SMIM8: variants seen among roughly 807,000 people sequenced by gnomAD.
The protein encoded by SMIM8 is UPF0708 protein C6orf162.
SMIM8 carries 8 observed loss-of-function variants against 8.1 expected under a neutral mutation model. That is an observed-to-expected ratio of 0.99 (90% CI 0.58 to 1.78). The LOEUF (loss-of-function observed/expected upper bound fraction) is 1.78, where lower values mean the gene tolerates loss of function less well. Ranked by LOEUF, SMIM8 falls within the 40% of genes most tolerant of loss-of-function variation. The pLI is 0.00. For synonymous variants in SMIM8, 45 were observed against 39.7 expected (o/e 1.13, Z -0.50); for missense variants, 126 against 119.8 (o/e 1.05, Z -0.24).
At chr6:87,323,712 G>T (rs1487291593) in intron 1 of SMIM8, among the ~76,000 whole-genome samples, 3 of 152,040 alleles carry the variant, frequency 2.0e-5, no homozygotes, top group Middle Eastern at 3.2e-3. Context: ...CTTTGCTATT[G>T]TGAATAATGC....
At chr6:87,325,823 A>G (rs1582086053) in intron 1 of SMIM8, among the ~76,000 whole-genome samples, 1 of 152,310 alleles carries the variant, frequency 6.6e-6, no homozygotes, top group Middle Eastern at 3.4e-3. Context: ...ATTGATTGGA[A>G]TAGTTTCAGA....
intron 1 of SMIM8, among the ~76,000 whole-genome samples, chr6:87,323,381 G>A (rs1039114418): frequency 6.6e-6 from 1 of 151,830 alleles, no homozygotes; most frequent in African/African-American, 2.4e-5. Context: ...CCACCAACTG[G>A]ACATCTAACA....
intron 1 of SMIM8, among the ~76,000 whole-genome samples, chr6:87,328,831 G>A (rs1418387467): frequency 1.6e-4 from 24 of 152,340 alleles, no homozygotes; most frequent in African/African-American, 5.8e-4. Flanking sequence ...CTGGGCAATG[G>A]CGGGCGCCCC....
intron 1 of SMIM8, among the ~76,000 whole-genome samples, chr6:87,327,356 G>T (rs1474636122): frequency 6.6e-6 from 1 of 152,038 alleles, no homozygotes; most frequent in African/African-American, 2.4e-5. Flanking sequence ...TTTCTTCCTA[G>T]TCTCAATGGT....
chr6:87,339,403 CAAA>C (rs1349098631), intron 3 of SMIM8, among the ~76,000 whole-genome samples: 3 of 128,754 alleles, frequency 2.3e-5, no homozygotes, highest in East Asian at 2.4e-4. Flanking sequence ...TTAACAACAA[CAAA>C]ACACAGCGTG....
intron 1 of SMIM8, among the ~76,000 whole-genome samples, chr6:87,329,698 A>G (rs145953174): frequency 1.1e-3 from 162 of 152,320 alleles, no homozygotes; most frequent in Non-Finnish European, 1.9e-3. Context: ...ATTGTAATAT[A>G]CATGCAAAGG....
At chr6:87,325,973 C>T (rs199760677) in intron 1 of SMIM8, among the ~76,000 whole-genome samples, 1 of 151,864 alleles carries the variant, frequency 6.6e-6, no homozygotes, top group Non-Finnish European at 1.5e-5. Flanking sequence ...AGAGATTCAA[C>T]TTCTTCCTAG....
At chr6:87,336,922 AAAG>A in intron 2 of SMIM8, 84 bp from the exon 3 acceptor site, 1 of 1,144,736 alleles carries the variant, frequency 8.7e-7, no homozygotes, top group South Asian at 2.2e-5. Context: ...GTTGGAATTC[AAAG>A]AAGGAATTTA....
chr6:87,323,941 T>C (rs935134186), intron 1 of SMIM8, among the ~76,000 whole-genome samples: 6 of 151,778 alleles, frequency 4.0e-5, no homozygotes, highest in African/African-American at 1.5e-4. Flanking sequence ...ACCTGTTGTT[T>C]CCTGACTTTT....
At position 87,341,480 on chromosome 6, in the gene SMIM8, G is replaced by A. The variant is rs776007667; in HGVS notation, c.*1206G>A. On this transcript the variant is annotated 3_prime_UTR_variant, in exon 4 of 4. Coordinates refer to ENST00000392863, the MANE Select transcript of SMIM8 (RefSeq NM_001042493.3). ...TCTTTCTTACAAGGGTTCTGGACCCGTTTCATTTCTAGATATATACCTAAT... is the reference window on the plus strand; with the variant it reads ...TCTTTCTTACAAGGGTTCTGGACCCATTTCATTTCTAGATATATACCTAAT... 10 of 391,542 alleles carry A rather than the reference G, an allele frequency of 2.6e-5. No homozygotes were observed. The highest frequency in any genetic ancestry group is 3.6e-5 in the East Asian group (1 of 27,536). The allele number at this position is 391,542 out of a possible 1,614,324, so 24.3% of individuals were successfully genotyped here.
chr6:87,336,319 A>C (rs1259156325), intron 2 of SMIM8, among the ~76,000 whole-genome samples: 1 of 152,218 alleles, frequency 6.6e-6, no homozygotes, highest in Admixed American at 6.5e-5. Context: ...TCAGCTAGGA[A>C]AACAAGAAGA....
In SMIM8 at chr6:87,340,391, G is replaced by A. The variant is rs993312916; in HGVS notation, c.*117G>A. The A allele has an allele frequency of 2.4e-5, 25 of 1,046,712 alleles. No homozygotes were observed. The African/African-American group carries it at 4.2e-4, about 17-fold the overall frequency. The allele number at this position is 1,046,712 out of a possible 1,614,324, so 64.8% of individuals were successfully genotyped here. ...CTAGAACATGCTAATGAAGAGAGAA[G>A]ATAGCAGTTGCAACCAGACAACTGT... On this transcript the variant is annotated 3_prime_UTR_variant, in exon 4 of 4. Transcript: ENST00000392863.
rs58307492 is a variant in SMIM8, at chr6:87,338,906, CTT to C, written c.136-1191_136-1190del. 6.6e-3 allele frequency among the ~76,000 whole-genome samples: 765 copies of C among 116,010 alleles called. 4 individuals carry two copies. The highest frequency in any genetic ancestry group is 0.024 in the African/African-American group (693 of 29,258). The allele number at this position is 116,010 out of a possible 152,430, so 76.1% of individuals were successfully genotyped here. A position where few individuals can be genotyped will look rare whatever the true frequency, so the allele number is the denominator to read the frequency against. On this transcript the variant is annotated intron_variant, in intron 3 of 3. Transcript: ENST00000392863. ...TGAACATCTTTCCTGTATTTAAAAG[CTT>C]TTTTTTTTTTTTTTTTTTGACTGGG...
chr6:87,326,118 T>G (rs535159409), intron 1 of SMIM8, among the ~76,000 whole-genome samples: 5 of 152,284 alleles, frequency 3.3e-5, no homozygotes, highest in African/African-American at 7.2e-5. Context: ...TGATATCCCT[T>G]TTATCATTTT....
intron 2 of SMIM8, among the ~76,000 whole-genome samples, chr6:87,335,340 C>T (rs1182854633): frequency 1.3e-5 from 2 of 152,126 alleles, no homozygotes; most frequent in Admixed American, 1.3e-4. Flanking sequence ...TCCCAAGTTA[C>T]CAAATCCTGA....
chr6:87,339,167 A>G (rs1209066451), intron 3 of SMIM8, among the ~76,000 whole-genome samples: 1 of 152,116 alleles, frequency 6.6e-6, no homozygotes, highest in African/African-American at 2.4e-5. Context: ...TTAGCCAGGC[A>G]TGGTGTGCAC....
chr6:87,333,552 C>T (rs929285049), intron 2 of SMIM8, among the ~76,000 whole-genome samples: 10 of 152,096 alleles, frequency 6.6e-5, no homozygotes, highest in Non-Finnish European at 1.0e-4. Flanking sequence ...AATGAAACAC[C>T]AGCAGTTCTC....
Position 87,341,821 on chromosome 6 carries a change from A to G in SMIM8, c.*1547A>G, listed in dbSNP as rs942413538. 5.3e-5 allele frequency: 8 copies of G among 152,278 alleles called. No individual in the cohort carries two copies. Among genetic ancestry groups the G allele is most frequent in the Admixed American group, 4.6e-4 (7 of 15,284 alleles). 9.4% of individuals were successfully genotyped at this position (152,278 alleles called of 1,614,324 possible). Reference sequence around the variant, plus strand: ...ATATAGTTTAAAATGCACTTCAGTGATACAAAATCCCTTTTAAAGACTCTT... The same window carrying G: ...ATATAGTTTAAAATGCACTTCAGTGGTACAAAATCCCTTTTAAAGACTCTT... On this transcript the variant is annotated 3_prime_UTR_variant, in exon 4 of 4. Transcript: ENST00000392863.
intron 1 of SMIM8, among the ~76,000 whole-genome samples, chr6:87,330,053 G>A (rs1302753455): frequency 6.6e-6 from 1 of 152,138 alleles, no homozygotes; most frequent in Non-Finnish European, 1.5e-5. Context: ...AGAATCTGAG[G>A]TTATGCTATG....
Sources: gnomAD v4.1 joint callset for allele counts (sites outside exome capture counted in the v4.1 genomes callset) on GRCh38, gnomAD v4.1.1 for gene constraint, MANE v1.5 for transcripts, NCBI Gene and HGNC (gene_info 2026-07-23, HGNC 2026-07-21) for gene names.